ATG5: variants seen among roughly 807,000 people sequenced by gnomAD.
ATG5 encodes the protein autophagy protein 5.
A neutral mutation model predicts 36.5 loss-of-function variants in ATG5; 14 were observed. The observed-to-expected ratio is 0.38, with a 90% CI of 0.25 to 0.60. The LOEUF (loss-of-function observed/expected upper bound fraction) is 0.60. Ranked by LOEUF, ATG5 falls within the 20% of genes least tolerant of loss-of-function variation. The pLI, the probability that ATG5 is intolerant of heterozygous loss-of-function variation, is 0.60. For synonymous variants in ATG5, 95 were observed against 101.5 expected (o/e 0.94, Z 0.38); for missense variants, 195 against 326.7 (o/e 0.60, Z 3.11).
At chr6:106,286,622 G>A (rs772574262) in intron 4 of ATG5, among the ~76,000 whole-genome samples, 1 of 152,072 alleles carries the variant, frequency 6.6e-6, no homozygotes, top group Non-Finnish European at 1.5e-5. Context: ...CAAAGAATGC[G>A]GCAAAGGTGA....
At chr6:106,211,484 G>A (rs1435339037) in intron 6 of ATG5, among the ~76,000 whole-genome samples, 1 of 152,356 alleles carries the variant, frequency 6.6e-6, no homozygotes, top group East Asian at 1.9e-4. Context: ...GCTGAGGCGG[G>A]TGGATCATGA....
At chr6:106,206,594 G>T (rs770885692) in intron 6 of ATG5, among the ~76,000 whole-genome samples, 2 of 148,610 alleles carry the variant, frequency 1.3e-5, no homozygotes, top group African/African-American at 5.0e-5. Flanking sequence ...AGGTTGCAGT[G>T]AATCAAGATC....
chr6:106,234,983 A>T (rs1777837169), intron 6 of ATG5, among the ~76,000 whole-genome samples: 1 of 150,240 alleles, frequency 6.7e-6, no homozygotes, highest in Admixed American at 6.6e-5. Flanking sequence ...GAATGTTGTT[A>T]TTATGTTATT....
At chr6:106,316,374 C>CA (rs370558728) in intron 1 of ATG5, 108 bp from the exon 2 acceptor site, 26,678 of 295,298 alleles carry the variant, frequency 0.09, 11 homozygotes, top group East Asian at 0.17. Flanking sequence ...TTATCCACTT[C>CA]AAAAAAAAAA....
intron 6 of ATG5, among the ~76,000 whole-genome samples, chr6:106,224,623 C>G (rs1777376887): frequency 6.6e-6 from 1 of 152,244 alleles, no homozygotes; most frequent in South Asian, 2.1e-4. Context: ...TGCCTGTAAT[C>G]CCAGCACTTT....
chr6:106,206,325 G>A (rs1240342626), intron 6 of ATG5, among the ~76,000 whole-genome samples: 4 of 152,158 alleles, frequency 2.6e-5, no homozygotes, highest in Non-Finnish European at 5.9e-5. Context: ...ACCAGAAACC[G>A]AATCTGTTGA....
At chr6:106,261,958 A>T (rs976230661) in intron 5 of ATG5, among the ~76,000 whole-genome samples, 2 of 152,224 alleles carry the variant, frequency 1.3e-5, no homozygotes, top group Admixed American at 6.5e-5. Context: ...AGTCCAAAAA[A>T]GTCAACAGTG....
chr6:106,246,432 C>CTTT (rs1778342934), intron 6 of ATG5, among the ~76,000 whole-genome samples: 2 of 132,312 alleles, frequency 1.5e-5, no homozygotes, highest in Admixed American at 7.4e-5. Flanking sequence ...ACACACACAC[C>CTTT]CTTTCTCTCT....
At chr6:106,276,843 A>G (rs1225975379) in intron 5 of ATG5, among the ~76,000 whole-genome samples, 1 of 152,228 alleles carries the variant, frequency 6.6e-6, no homozygotes, top group Non-Finnish European at 1.5e-5. Context: ...TCAAATCACC[A>G]GCAAGAAACA....
At chr6:106,246,793 G>A (rs1005135375) in intron 6 of ATG5, among the ~76,000 whole-genome samples, 1 of 152,140 alleles carries the variant, frequency 6.6e-6, no homozygotes, top group South Asian at 2.1e-4. Context: ...TATTTTGCTG[G>A]GCTGTGGGAA....
intron 6 of ATG5, among the ~76,000 whole-genome samples, chr6:106,223,232 C>G (rs907975525): frequency 2.0e-5 from 3 of 152,190 alleles, no homozygotes; most frequent in Non-Finnish European, 4.4e-5. Flanking sequence ...GGCAAATCAT[C>G]TGCATCAAAT....
At chr6:106,204,578 G>C (rs140155066) in intron 6 of ATG5, among the ~76,000 whole-genome samples, 6 of 152,096 alleles carry the variant, frequency 3.9e-5, no homozygotes, top group African/African-American at 1.4e-4. Context: ...CCCATGTGTC[G>C]AGGGAGGGAG....
At chr6:106,190,030 G>A (rs1454198660) in intron 7 of ATG5, among the ~76,000 whole-genome samples, 1 of 152,050 alleles carries the variant, frequency 6.6e-6, no homozygotes, top group Non-Finnish European at 1.5e-5. Context: ...CTACAGTATA[G>A]TTATCACAAT....
At chr6:106,271,802 G>A (rs1779465550) in intron 5 of ATG5, 1 of 151,084 alleles carries the variant, frequency 6.6e-6, no homozygotes, top group Non-Finnish European at 1.5e-5. Flanking sequence ...AAAAAAAAAT[G>A]GTGGGAAATA....
chr6:106,318,351 T>A (rs1258466707), intron 1 of ATG5, among the ~76,000 whole-genome samples: 1 of 152,156 alleles, frequency 6.6e-6, no homozygotes, highest in Non-Finnish European at 1.5e-5. Flanking sequence ...TTTCTTTCCA[T>A]AACATTCTCT....
intron 5 of ATG5, among the ~76,000 whole-genome samples, chr6:106,264,830 G>C (rs573704188): frequency 6.6e-6 from 1 of 152,064 alleles, no homozygotes; most frequent in Non-Finnish European, 1.5e-5. Context: ...CCCTACAAGA[G>C]CTCCTGAAGG....
At chr6:106,195,819 A>C (rs1776158387) in intron 7 of ATG5, among the ~76,000 whole-genome samples, 1 of 151,494 alleles carries the variant, frequency 6.6e-6, no homozygotes, top group Non-Finnish European at 1.5e-5. Context: ...AAAAAAAAAA[A>C]AAAAAAAAAA....
intron 1 of ATG5, among the ~76,000 whole-genome samples, chr6:106,318,755 G>A (rs981747431): frequency 1.3e-5 from 2 of 152,110 alleles, no homozygotes; most frequent in Non-Finnish European, 2.9e-5. Context: ...GCTGCTTACT[G>A]CCTCAAAATA....
intron 6 of ATG5, among the ~76,000 whole-genome samples, chr6:106,223,880 G>A (rs1487489386): frequency 2.6e-5 from 4 of 152,216 alleles, no homozygotes; most frequent in Non-Finnish European, 5.9e-5. Flanking sequence ...CAATGTACAA[G>A]TCAGTTTTGG....
Sources: gnomAD v4.1 joint callset for allele counts (sites outside exome capture counted in the v4.1 genomes callset) on GRCh38, gnomAD v4.1.1 for gene constraint, MANE v1.5 for transcripts, NCBI Gene and HGNC (gene_info 2026-07-23, HGNC 2026-07-21) for gene names.